HMCN1: variants seen among roughly 807,000 people sequenced by gnomAD.
HMCN1 encodes hemicentin-1.
A neutral mutation model predicts 625.9 loss-of-function variants in HMCN1; 321 were observed. The observed-to-expected ratio is 0.51, with a 90% CI of 0.47 to 0.56. The LOEUF (loss-of-function observed/expected upper bound fraction) is 0.56, where lower values mean the gene tolerates loss of function less well. Among genes scored for constraint, HMCN1 ranks in the 20% least tolerant of loss-of-function variants. HMCN1 has a pLI of 0.00. For missense variants in HMCN1, 6,588 were observed against 6,887.3 expected, an observed-to-expected ratio of 0.96 and a Z score of 1.54; for synonymous variants, 2,425 against 2,417.6, an observed-to-expected ratio of 1.00 and a Z score of -0.09.
chr1:185,966,053 A>G, intron 14 of HMCN1, 138 bp downstream of exon 14: 1 of 681,278 alleles, frequency 1.5e-6, no homozygotes, highest in Non-Finnish European at 2.7e-6. Flanking sequence ...TGGAGACAAT[A>G]GTTCAAAATT....
chr1:186,175,278 G>A (rs6696063), intron 103 of HMCN1, among the ~76,000 whole-genome samples: 7 of 152,136 alleles, frequency 4.6e-5, no homozygotes, highest in Non-Finnish European at 1.0e-4. Context: ...CTATCAAATT[G>A]TAGTCTTCCT....
chr1:186,155,466 T>A (rs1372038226), intron 97 of HMCN1, among the ~76,000 whole-genome samples: 1 of 152,156 alleles, frequency 6.6e-6, no homozygotes, highest in African/African-American at 2.4e-5. Context: ...GTTTCTACTT[T>A]TTTCAGTACT....
chr1:186,033,789 AT>A (rs1655642118), intron 36 of HMCN1, among the ~76,000 whole-genome samples: 1 of 152,082 alleles, frequency 6.6e-6, no homozygotes, highest in Non-Finnish European at 1.5e-5. Flanking sequence ...GTTTCTTAGA[AT>A]ATGTGATTTT....
intron 55 of HMCN1, 63 bp from the exon 56 acceptor site, chr1:186,081,144 A>T: frequency 7.2e-7 from 1 of 1,386,658 alleles, no homozygotes; most frequent in Non-Finnish European, 1.0e-6. Context: ...GCTGTCAGAA[A>T]ATTAGCATGA....
chr1:186,117,187 G>T, intron 76 of HMCN1, 72 bp downstream of exon 76: 1 of 1,585,654 alleles, frequency 6.3e-7, no homozygotes, highest in South Asian at 1.1e-5. Flanking sequence ...CTTTACAAAA[G>T]GGATCCCTTT....
At chr1:186,180,423 C>CA (rs1164207350) in intron 104 of HMCN1, among the ~76,000 whole-genome samples, 4 of 152,044 alleles carry the variant, frequency 2.6e-5, no homozygotes, top group Non-Finnish European at 4.4e-5. Flanking sequence ...CTTTCCTGCC[C>CA]AAAAATCTGT....
Position 186,151,333 on chromosome 1 carries a change from T to A in HMCN1, c.14742T>A (p.Asn4914Lys), listed in dbSNP as rs754127646. 1 of 1,613,518 alleles carries A rather than the reference T, an allele frequency of 6.2e-7. No individual in the cohort carries two copies. Among genetic ancestry groups the A allele is most frequent in the South Asian group, 1.1e-5 (1 of 91,070 alleles). The stretch of plus-strand genomic sequence containing the variant: ...GAATAATACGTGCCAAAATTACCAA[T>A]GTACCTCGTAGTCTTGGTAAGTCTT... ...DTRIIRAKIT[N>K]VPRSLGSAMR... Residue 4914 changes from asparagine (N) to lysine (K), a missense_variant, in exon 94 of 107, where the codon AAT becomes AAA. Physicochemically the swap from Asn to Lys is moderately conservative, Grantham distance 94. Coordinates refer to ENST00000271588, the MANE Select transcript of HMCN1 (RefSeq NM_031935.3).
chr1:186,037,971 T>A lies in HMCN1; in HGVS notation c.5787T>A (p.Asn1929Lys). 6.2e-7 allele frequency: 1 copy of A among 1,610,902 alleles called. No individual in the cohort carries two copies. The highest frequency in any genetic ancestry group is 8.5e-7 in the Non-Finnish European group (1 of 1,177,230). Residue 1929 changes from asparagine (N) to lysine (K), a missense_variant, in exon 37 of 107, where the codon AAT becomes AAA. Physicochemically the swap from Asn to Lys is moderately conservative, Grantham distance 94. This residue lies in a region of HMCN1 where 4,628 missense variants were observed against 4,853.1 expected (regional missense o/e 0.95). Coordinates refer to ENST00000271588, the MANE Select transcript of HMCN1 (RefSeq NM_031935.3). ...PSLEDAGKMLNETVLVSNPVQ... is the reference protein window; with the variant it reads ...PSLEDAGKMLKETVLVSNPVQ... Reference sequence around the variant, plus strand: ...TGGAAGATGCTGGAAAAATGCTGAATGAGACTGTGTTGGTGAGCAACCCTG... The same window carrying A: ...TGGAAGATGCTGGAAAAATGCTGAAAGAGACTGTGTTGGTGAGCAACCCTG...
chr1:186,001,091 T>G (rs1257971965), intron 26 of HMCN1, among the ~76,000 whole-genome samples: 1 of 152,036 alleles, frequency 6.6e-6, no homozygotes, highest in Non-Finnish European at 1.5e-5. Context: ...TTTAAAACCT[T>G]GAAATAATAA....
rs776255114 is a variant in HMCN1, at chr1:185,863,586, G to C, written c.340-884G>C. Among the ~76,000 whole-genome samples, 8 of 152,116 alleles carry C rather than the reference G, an allele frequency of 5.3e-5. No individual in the cohort carries two copies. In the East Asian group the frequency reaches 1.5e-3, roughly 29 times the overall value. On this transcript the variant is annotated intron_variant, in intron 2 of 106. Coordinates refer to ENST00000271588, the MANE Select transcript of HMCN1 (RefSeq NM_031935.3). The stretch of plus-strand genomic sequence containing the variant: ...ATGCTGATGACATGGAAACAAACAG[G>C]ATATAATTCTGAATCTAAAATATAA...
intron 1 of HMCN1, among the ~76,000 whole-genome samples, chr1:185,812,806 C>A (rs375719636): frequency 5.3e-5 from 8 of 152,018 alleles, no homozygotes; most frequent in South Asian, 2.1e-4. Flanking sequence ...CAATCCCCCC[C>A]CACACACATT....
chr1:185,842,417 G>T (rs1370922769), intron 1 of HMCN1, among the ~76,000 whole-genome samples: 1 of 152,038 alleles, frequency 6.6e-6, no homozygotes, highest in African/African-American at 2.4e-5. Flanking sequence ...AAAAAAATTA[G>T]CCAGGCATGG....
At chr1:185,740,780 G>A (rs780701581) in intron 1 of HMCN1, among the ~76,000 whole-genome samples, 45 of 152,194 alleles carry the variant, frequency 3.0e-4, no homozygotes, top group Non-Finnish European at 5.6e-4. Flanking sequence ...GATTACTTGA[G>A]GTCAGGAGTT....
At chr1:186,076,682 T>G in intron 54 of HMCN1, 60 bp downstream of exon 54, 1 of 1,515,462 alleles carries the variant, frequency 6.6e-7, no homozygotes, top group Non-Finnish European at 9.1e-7. Context: ...TTTCCTCTCA[T>G]GTATTAGACG....
intron 83 of HMCN1, 65 bp from the exon 84 acceptor site, chr1:186,129,901 T>G: frequency 1.9e-6 from 3 of 1,594,734 alleles, no homozygotes; most frequent in Non-Finnish European, 2.6e-6. Flanking sequence ...TGCAAAATAC[T>G]GAGCTGTCGT....
At chr1:186,049,955 C>T (rs1656837539) in intron 42 of HMCN1, among the ~76,000 whole-genome samples, 1 of 151,758 alleles carries the variant, frequency 6.6e-6, no homozygotes, top group Non-Finnish European at 1.5e-5. Flanking sequence ...ATATTCATTA[C>T]ATACTACTTA....
chr1:185,932,325 G>C (rs546709344), intron 10 of HMCN1, among the ~76,000 whole-genome samples: 2 of 152,102 alleles, frequency 1.3e-5, no homozygotes, highest in Non-Finnish European at 2.9e-5. Flanking sequence ...GATAACCACT[G>C]TGGTTTTGGT....
At chr1:185,858,927 G>C (rs1255420095) in intron 2 of HMCN1, among the ~76,000 whole-genome samples, 1 of 151,822 alleles carries the variant, frequency 6.6e-6, no homozygotes, top group Non-Finnish European at 1.5e-5. Flanking sequence ...TGCTTCTGCA[G>C]CCTAGTCCTG....
intron 93 of HMCN1, among the ~76,000 whole-genome samples, chr1:186,147,681 G>A (rs1310688256): frequency 1.3e-5 from 2 of 152,136 alleles, no homozygotes; most frequent in African/African-American, 4.8e-5. Flanking sequence ...GAATGTTTTG[G>A]TGCATATAGG....
Sources: gnomAD v4.1 joint callset for allele counts (sites outside exome capture counted in the v4.1 genomes callset) on GRCh38, gnomAD v4.1.1 for gene constraint, gnomAD v4.1.1 regional missense constraint, MANE v1.5 for transcripts, NCBI Gene and HGNC (gene_info 2026-07-23, HGNC 2026-07-21) for gene names.